Variants in TMEM230 observed in about 807,000 individuals in gnomAD.
TMEM230 encodes the protein transmembrane protein 230, also known as UPF0414 transmembrane protein C20orf30.
In TMEM230, 10 loss-of-function variants were observed where a neutral mutation model predicts 15.8. The ratio of observed to expected loss-of-function variants is 0.63; its 90% CI spans 0.39 to 1.07. The LOEUF (loss-of-function observed/expected upper bound fraction) is 1.07. TMEM230 is among the 50% of genes least tolerant of loss of function. The pLI, the probability that TMEM230 is intolerant of heterozygous loss-of-function variation, is 0.01. For missense variants in TMEM230, 165 were observed against 193.3 expected (o/e 0.85, Z 0.87); for synonymous variants, 67 against 76.9 (o/e 0.87, Z 0.68).
intron 4 of TMEM230, among the ~76,000 whole-genome samples, chr20:5,105,744 T>C (rs1014673209): frequency 6.6e-6 from 1 of 151,120 alleles, no homozygotes; most frequent in Non-Finnish European, 1.5e-5. Flanking sequence ...CCATAAAAAT[T>C]GGAAAAAAAA....
chr20:5,059,845 C>A, the TMEM230 span, among the ~76,000 whole-genome samples: 13 of 144,706 alleles, frequency 9.0e-5, no homozygotes, highest in African/African-American at 3.4e-4. Context: ...AGTGGTGCAA[C>A]CTCGGCTCGC....
chr20:5,112,794 C>A, intron 1 of TMEM230, 167 bp downstream of exon 1: 1 of 1,499,580 alleles, frequency 6.7e-7, no homozygotes, highest in Non-Finnish European at 8.9e-7. Context: ...CGAATTTAGA[C>A]GTAAAACAAA....
At chr20:5,064,581 TA>T (rs1568474286), downstream of TMEM230, among the ~76,000 whole-genome samples, 2 of 151,290 alleles carry the variant, frequency 1.3e-5, no homozygotes, top group African/African-American at 4.9e-5. Context: ...CGTCTCAAAA[TA>T]AAAAAAGACT....
intron 3 of TMEM230, among the ~76,000 whole-genome samples, chr20:5,077,888 A>T (rs1188617352): frequency 6.6e-6 from 1 of 151,406 alleles, no homozygotes; most frequent in Non-Finnish European, 1.5e-5. Context: ...AAATACTTGT[A>T]AGTAAGATAA....
chr20:5,090,788 G>A (rs1343289469), intron 3 of TMEM230, among the ~76,000 whole-genome samples: 9 of 152,078 alleles, frequency 5.9e-5, no homozygotes, highest in Non-Finnish European at 1.0e-4. Flanking sequence ...ACGTGTCTGC[G>A]ATGAAGGATG....
chr20:5,112,322 T>C (rs1033039136), intron 1 of TMEM230, among the ~76,000 whole-genome samples: 1 of 152,232 alleles, frequency 6.6e-6, no homozygotes, highest in African/African-American at 2.4e-5. Flanking sequence ...CTGTGTCAAA[T>C]AGTAGGTTTT....
At chr20:5,068,991 G>A (rs1022345816) in exon 4 of TMEM230, 4 of 553,282 alleles carry the variant, frequency 7.2e-6, no homozygotes, top group African/African-American at 1.9e-5. Flanking sequence ...AGTTGCATAG[G>A]GGGTAGAGGG....
chr20:5,060,577 T>G, the TMEM230 span, among the ~76,000 whole-genome samples: 1 of 152,084 alleles, frequency 6.6e-6, no homozygotes, highest in Non-Finnish European at 1.5e-5. Context: ...GCTCAAGTGA[T>G]CTGCCTGCCT....
rs188116249 is a variant in TMEM230, at chr20:5,094,820, T to C, written c.222+11368A>G. On this transcript the variant is annotated intron_variant, in intron 3 of 3. Coordinates refer to the TMEM230 transcript ENST00000612323. The stretch of plus-strand genomic sequence containing the variant: ...CCTAAGTAGTTAGGACTACAGTTGC[T>C]CGCCACCATGCCCAGTGCCATCAGT... 2.9e-4 allele frequency among the ~76,000 whole-genome samples: 44 copies of C among 151,992 alleles called. 1 individual carries two copies. The East Asian group carries it at 8.3e-3, about 29-fold the overall frequency.
chr20:5,088,487 T>A (rs6038063), intron 3 of TMEM230, among the ~76,000 whole-genome samples: 1 of 151,644 alleles, frequency 6.6e-6, no homozygotes, highest in East Asian at 1.9e-4. Context: ...AATCAGGTGG[T>A]TTTTTTAATC....
Position 5,106,225 on chromosome 20 carries a change from A to G in TMEM230, c.374T>C (p.Ile125Thr), listed in dbSNP as rs751176075. 3.7e-6 allele frequency: 6 copies of G among 1,614,048 alleles called. No individual in the cohort carries two copies. The highest frequency in any genetic ancestry group is 3.4e-6 in the Non-Finnish European group (4 of 1,179,946). The change falls in exon 4 of 5, where the codon ATA becomes ACA. Residue 125 changes from isoleucine to threonine, a missense_variant. Coordinates refer to ENST00000342308, the MANE Select transcript of TMEM230 (RefSeq NM_001009923.2). Reference sequence around the variant, plus strand: ...GTAGCCTGACAGCAGGAGGGAGCCTATAATAATGAGAAAGGCGCCAATCAA... The same window carrying G: ...GTAGCCTGACAGCAGGAGGGAGCCTGTAATAATGAGAAAGGCGCCAATCAA...
chr20:5,106,158 C>G, intron 4 of TMEM230, 30 bp downstream of exon 3: 1 of 1,597,942 alleles, frequency 6.3e-7, no homozygotes. Flanking sequence ...AAAAATCTCA[C>G]AACTTATTCC....
At chr20:5,091,252 C>T (rs1383137313) in intron 3 of TMEM230, among the ~76,000 whole-genome samples, 2 of 152,156 alleles carry the variant, frequency 1.3e-5, no homozygotes, top group African/African-American at 4.8e-5. Context: ...TGGAGCTTCG[C>T]CCTTGTTGCC....
At chr20:5,096,647 G>A (rs1600358597), downstream of TMEM230, among the ~76,000 whole-genome samples, 2 of 152,210 alleles carry the variant, frequency 1.3e-5, no homozygotes, top group South Asian at 4.1e-4. Flanking sequence ...TGGGCAGAGG[G>A]TGCCAGGCAG....
intron 3 of TMEM230, among the ~76,000 whole-genome samples, chr20:5,072,582 C>A (rs527357682): frequency 6.6e-5 from 10 of 152,146 alleles, no homozygotes; most frequent in Admixed American, 4.6e-4. Context: ...GGCATGGTGG[C>A]TCACGCCTGT....
chr20:5,081,864 C>T (rs940506615), intron 3 of TMEM230, among the ~76,000 whole-genome samples: 20 of 140,354 alleles, frequency 1.4e-4, no homozygotes, highest in African/African-American at 5.3e-4. Flanking sequence ...CACTGATTTT[C>T]TTTTTTTTCT....
At chr20:5,063,588 C>T (rs1297001887), downstream of TMEM230, among the ~76,000 whole-genome samples, 2 of 152,054 alleles carry the variant, frequency 1.3e-5, no homozygotes, top group African/African-American at 4.8e-5. Context: ...CATGGCCGGC[C>T]TGCTATGAAA....
At chr20:5,099,285 C>T (rs1471166533), downstream of TMEM230, among the ~76,000 whole-genome samples, 1 of 151,936 alleles carries the variant, frequency 6.6e-6, no homozygotes, top group Non-Finnish European at 1.5e-5. Flanking sequence ...TTGGCCAAAA[C>T]CTTCTGATCT....
downstream of TMEM230, among the ~76,000 whole-genome samples, chr20:5,098,151 ATT>A (rs1568495447): frequency 6.6e-6 from 1 of 151,406 alleles, no homozygotes; most frequent in Non-Finnish European, 1.5e-5. Context: ...CTAATTTTGT[ATT>A]TTTAGTAGAG....
Sources: allele counts gnomAD v4.1 joint callset (sites outside exome capture counted in the v4.1 genomes callset), GRCh38; gene constraint gnomAD v4.1.1; transcripts MANE v1.5; gene names NCBI Gene and HGNC (gene_info 2026-07-23, HGNC 2026-07-21).